MYRFL: variants seen among roughly 807,000 people sequenced by gnomAD.
MYRFL encodes the protein myelin regulatory factor-like protein.
Under a neutral mutation model 109.4 loss-of-function variants are expected in MYRFL, and 88 were observed. That is an observed-to-expected ratio of 0.80 (90% CI 0.68 to 0.96). MYRFL has a LOEUF of 0.96. Ranked by LOEUF, MYRFL falls within the 40% of genes least tolerant of loss-of-function variation. The pLI, the probability that MYRFL is intolerant of heterozygous loss-of-function variation, is 0.00. For synonymous variants in MYRFL, 324 were observed against 320.9 expected (o/e 1.01, Z -0.10); for missense variants, 957 against 954.9 (o/e 1.00, Z -0.03).
At chr12:69,867,088 C>A (rs749045477) in intron 2 of MYRFL, among the ~76,000 whole-genome samples, 16 of 152,202 alleles carry the variant, frequency 1.1e-4, no homozygotes, top group Non-Finnish European at 1.8e-4. Context: ...GTGTAAATTG[C>A]CCTTAACTCT....
chr12:69,933,085 G>T (rs564631109), intron 16 of MYRFL, among the ~76,000 whole-genome samples: 50 of 152,298 alleles, frequency 3.3e-4, no homozygotes, highest in African/African-American at 1.2e-3. Context: ...GGGACACCAA[G>T]ATATACCATG....
chr12:69,880,266 G>A lies in MYRFL; in HGVS notation c.530G>A (p.Arg177Gln). The stretch of plus-strand genomic sequence containing the variant: ...GCACTGGAGGACTCCGGGGAATGCC[G>A]AGTGTGGGCCTGCCACTGCAGACCG... ...TQALEDSGEC[R>Q]VWACHCRPMT... The change falls in exon 5 of 25, where the codon CGA (arginine) becomes CAA (glutamine). Residue 177 changes from arginine to glutamine, a missense_variant. Coordinates refer to ENST00000552032, the MANE Select transcript of MYRFL (RefSeq NM_182530.3). 2.8e-6 allele frequency: 2 copies of A among 702,706 alleles called. No individual in the cohort carries two copies. Among genetic ancestry groups the A allele is most frequent in the Non-Finnish European group, 5.2e-6 (2 of 384,798 alleles). The allele number at this position is 702,706 out of a possible 1,614,324, so 43.5% of individuals were successfully genotyped here. A position where few individuals can be genotyped will look rare whatever the true frequency, so the allele number is the denominator to read the frequency against.
rs939847783 is a variant in MYRFL, at chr12:69,891,661, C to A, written c.903+495C>A. Reference sequence around the variant, plus strand: ...TTTTTCTTTCTTTCTTTCTTTCTTTCTTTCTTTCTTTCTTTCTTTCTTTCG... The same window carrying A: ...TTTTTCTTTCTTTCTTTCTTTCTTTATTTCTTTCTTTCTTTCTTTCTTTCG... On this transcript the variant is annotated intron_variant, in intron 7 of 24. Transcript: ENST00000552032. 4.4e-5 allele frequency among the ~76,000 whole-genome samples: 4 copies of A among 90,530 alleles called. 1 individual carries two copies. Among genetic ancestry groups the A allele is most frequent in the Non-Finnish European group, 8.8e-5 (4 of 45,552 alleles). 59.4% of individuals were successfully genotyped at this position (90,530 alleles called of 152,430 possible). A position where few individuals can be genotyped will look rare whatever the true frequency, so the allele number is the denominator to read the frequency against.
At chr12:69,844,951 C>G (rs1408912707) in intron 1 of MYRFL, among the ~76,000 whole-genome samples, 1 of 152,018 alleles carries the variant, frequency 6.6e-6, no homozygotes. Context: ...CAAAGGCTTC[C>G]TATTGCTCTG....
chr12:69,915,959 C>T (rs1459659036), intron 13 of MYRFL, among the ~76,000 whole-genome samples: 1 of 152,072 alleles, frequency 6.6e-6, no homozygotes, highest in Non-Finnish European at 1.5e-5. Flanking sequence ...TAATTCACAA[C>T]TGAACCTGTT....
At chr12:69,913,200 A>G (rs558318150) in intron 13 of MYRFL, among the ~76,000 whole-genome samples, 5 of 152,288 alleles carry the variant, frequency 3.3e-5, no homozygotes, top group East Asian at 1.9e-4. Flanking sequence ...TATTCTGGAT[A>G]TTAATCCCTT....
At chr12:69,852,517 A>C (rs1421891484) in intron 1 of MYRFL, among the ~76,000 whole-genome samples, 1 of 150,280 alleles carries the variant, frequency 6.7e-6, no homozygotes, top group Non-Finnish European at 1.5e-5. Flanking sequence ...TAAATAAATA[A>C]ATTTTGAGCT....
chr12:69,832,969 TG>T (rs1882726300), intron 1 of MYRFL, among the ~76,000 whole-genome samples: 1 of 151,386 alleles, frequency 6.6e-6, no homozygotes, highest in African/African-American at 2.4e-5. Context: ...TGTGTGTGTG[TG>T]TGTGTGTGTG....
Position 69,858,410 on chromosome 12 carries a change from A to G in MYRFL, c.137+3040A>G, listed in dbSNP as rs182223962. 1.6e-4 allele frequency among the ~76,000 whole-genome samples: 25 copies of G among 152,096 alleles called. 1 individual carries two copies. Among genetic ancestry groups the G allele is most frequent in the Admixed American group, 1.5e-3 (23 of 15,280 alleles). On this transcript the variant is annotated intron_variant, in intron 2 of 24. Transcript: ENST00000552032. ...CTCACTTAAATTCTCTGGATGAGAT[A>G]GTGTAGAATTGGATTTATTTCTTGC...
intron 19 of MYRFL, chr12:69,946,595 T>C (rs572568418): frequency 6.6e-6 from 1 of 152,312 alleles, no homozygotes; most frequent in South Asian, 2.1e-4. Flanking sequence ...ACTCCAACAG[T>C]GGCGTTTGAA....
Position 69,865,207 on chromosome 12 carries a change from G to C in MYRFL, c.137+9837G>C, listed in dbSNP as rs187686948. 2.6e-5 allele frequency among the ~76,000 whole-genome samples: 4 copies of C among 152,310 alleles called. No individual in the cohort carries two copies. The East Asian group carries it at 7.7e-4, about 29-fold the overall frequency. ...GGAGTCTTCAGAAATGAAACCCAGA[G>C]ACTCAGGGAAAACTATTTTTATTTT... On this transcript the variant is annotated intron_variant, in intron 2 of 24. Transcript: ENST00000552032.
At position 69,886,806 on chromosome 12, in the gene MYRFL, C is replaced by G. The variant is rs1444689176; in HGVS notation, c.557-14C>G. Reference sequence around the variant, plus strand: ...GCCTGGAAGGAAGGCTCTGACGCACCTGTTTCTTTGCAGTGACAAGTAGGA... The same window carrying G: ...GCCTGGAAGGAAGGCTCTGACGCACGTGTTTCTTTGCAGTGACAAGTAGGA... On this transcript the variant is annotated splice_polypyrimidine_tract_variant and intron_variant, in intron 5 of 24. Transcript: ENST00000552032. The G allele has an allele frequency of 1.7e-5, 26 of 1,535,570 alleles. No individual in the cohort carries two copies. Among genetic ancestry groups the G allele is most frequent in the East Asian group, 2.4e-5 (1 of 40,928 alleles).
chr12:69,855,967 A>G (rs1360971960), intron 2 of MYRFL, among the ~76,000 whole-genome samples: 1 of 152,128 alleles, frequency 6.6e-6, no homozygotes, highest in Non-Finnish European at 1.5e-5. Context: ...CATCTACTGA[A>G]GTTCAAATTT....
At chr12:69,911,473 A>G (rs1592812763) in intron 13 of MYRFL, among the ~76,000 whole-genome samples, 2 of 152,182 alleles carry the variant, frequency 1.3e-5, no homozygotes, top group South Asian at 2.1e-4. Flanking sequence ...AGTCATTTTT[A>G]TGAAGATATT....
Position 69,855,388 on chromosome 12 carries a change from T to C in MYRFL, c.137+18T>C. ...GGGGCCTTGTAAGTAATGAGAGCAC[T>C]GCTCTCTAGTTGATGTTTAAAATAT... On this transcript the variant is annotated intron_variant, in intron 2 of 24. Coordinates refer to ENST00000552032, the MANE Select transcript of MYRFL (RefSeq NM_182530.3). 1 of 702,062 alleles carries C rather than the reference T, an allele frequency of 1.4e-6. No individual in the cohort carries two copies. The highest frequency in any genetic ancestry group is 2.6e-6 in the Non-Finnish European group (1 of 384,538). The allele number at this position is 702,062 out of a possible 1,614,324, so 43.5% of individuals were successfully genotyped here.
At chr12:69,842,589 G>A (rs1883307058) in intron 1 of MYRFL, among the ~76,000 whole-genome samples, 1 of 152,182 alleles carries the variant, frequency 6.6e-6, no homozygotes, top group African/African-American at 2.4e-5. Flanking sequence ...CTGGCAGTGG[G>A]GTCCGGGAAT....
chr12:69,921,817 A>G (rs958598286), intron 13 of MYRFL, among the ~76,000 whole-genome samples: 27 of 152,218 alleles, frequency 1.8e-4, no homozygotes, highest in Admixed American at 1.0e-3. Flanking sequence ...ATTATTGACA[A>G]GTAACCAGGC....
intron 7 of MYRFL, among the ~76,000 whole-genome samples, chr12:69,893,099 G>A (rs1441041630): frequency 1.3e-5 from 2 of 152,126 alleles, no homozygotes; most frequent in African/African-American, 4.8e-5. Flanking sequence ...ATTCCAGAAG[G>A]GGAATTTACA....
At chr12:69,898,877 C>T (rs145523353) in intron 10 of MYRFL, among the ~76,000 whole-genome samples, 3,344 of 148,676 alleles carry the variant, frequency 0.022, 71 homozygotes, top group Non-Finnish European at 0.032. Flanking sequence ...GGGAGCTCCA[C>T]TCTCTAGCAT....
Sources: allele counts gnomAD v4.1 joint callset (sites outside exome capture counted in the v4.1 genomes callset), GRCh38; gene constraint gnomAD v4.1.1; transcripts MANE v1.5; gene names NCBI Gene and HGNC (gene_info 2026-07-23, HGNC 2026-07-21).